C6orf141: variants seen among roughly 807,000 people sequenced by gnomAD.
C6orf141 encodes the protein chromosome 6 open reading frame 141.
For missense variants in C6orf141, 361 were observed against 335.8 expected (o/e 1.07, Z -0.59); for synonymous variants, 164 against 140.5 (o/e 1.17, Z -1.18).
downstream of C6orf141, chr6:49,555,388 G>A (rs977537109): frequency 7.2e-5 from 11 of 151,992 alleles, no homozygotes; most frequent in African/African-American, 2.7e-4. Context: ...TATAATAAAG[G>A]AAACAAAAAT....
rs909802135 is a variant in C6orf141 at position 49,551,730 on chromosome 6, T to G, written c.*203T>G. 3.0e-5 allele frequency: 42 copies of G among 1,420,970 alleles called. No individual in the cohort carries two copies. Among genetic ancestry groups the G allele is most frequent in the Non-Finnish European group, 3.8e-5 (41 of 1,086,828 alleles). The allele number at this position is 1,420,970 out of a possible 1,614,324, so 88.0% of individuals were successfully genotyped here. A position where few individuals can be genotyped will look rare whatever the true frequency, so the allele number is the denominator to read the frequency against. ...TGAATTCCTTCGCTGTCTGGGGACC[T>G]AAGTCATTCAGAAGAGGTGGAGAAA... is the stretch of plus-strand genomic sequence containing the variant. On this transcript the variant is annotated 3_prime_UTR_variant, in exon 1 of 1. Coordinates refer to ENST00000529246, the MANE Select transcript of C6orf141 (RefSeq NM_001145652.2).
At chr6:49,558,068 T>TG (rs1581908686) in intron 4 of C6orf141, among the ~76,000 whole-genome samples, 3 of 137,338 alleles carry the variant, frequency 2.2e-5, no homozygotes, top group East Asian at 4.5e-4. Context: ...TGTTTTTTTT[T>TG]TTTTTTTTTT....
intron 4 of C6orf141, among the ~76,000 whole-genome samples, chr6:49,558,537 G>T (rs1419492524): frequency 6.6e-6 from 1 of 151,834 alleles, no homozygotes; most frequent in Non-Finnish European, 1.5e-5. Context: ...AAAACTTGTA[G>T]GTTGGAATTC....
intron 4 of C6orf141, among the ~76,000 whole-genome samples, chr6:49,561,088 C>T (rs1303184162): frequency 7.1e-6 from 1 of 141,424 alleles, no homozygotes. Context: ...TAAATGCATT[C>T]ATTGTGAGAG....
chr6:49,551,329 T>C lies in C6orf141; in HGVS notation c.537T>C (p.Gly179=), dbSNP rs1200753575. ...TGTTGCAGACCTCCTGGGCCAAGGG[T>C]CGCATGACCACGAGGACTGAGGAGC... ...QEVLQTSWAK[G]RMTTRTEEHF... is the part of the protein sequence containing the mutation. The change falls in exon 1 of 1, where the codon GGT becomes GGC. Residue 179 remains glycine, a synonymous_variant. Coordinates refer to ENST00000529246, the MANE Select transcript of C6orf141 (RefSeq NM_001145652.2). 3.2e-6 allele frequency: 5 copies of C among 1,551,408 alleles called. No individual in the cohort carries two copies. In the East Asian group the frequency reaches 1.2e-4, roughly 38 times the overall value.
rs763319886 is a variant in C6orf141 at position 49,551,015 on chromosome 6, G to T, written c.223G>T (p.Ala75Ser). 1 of 1,551,408 alleles carries T rather than the reference G, an allele frequency of 6.4e-7. No homozygotes were observed. Among genetic ancestry groups the T allele is most frequent in the South Asian group, 1.2e-5 (1 of 84,048 alleles). Residue 75 changes from alanine to serine, a missense_variant, in exon 1 of 1, where the codon GCC (alanine) becomes TCC (serine). Physicochemically the swap from Ala to Ser is moderately conservative, Grantham distance 99. Coordinates refer to ENST00000529246, the MANE Select transcript of C6orf141 (RefSeq NM_001145652.2). ...RTADRALGPRAGEELDRESWV... is the reference protein window; with the variant it reads ...RTADRALGPRSGEELDRESWV... ...GGCAGATCGGGCCCTCGGACCTCGG[G>T]CCGGGGAGGAATTGGACCGTGAGTC...
chr6:49,552,832 T>C (rs979653222), downstream of C6orf141: 3 of 152,226 alleles, frequency 2.0e-5, no homozygotes, highest in African/African-American at 7.2e-5. Flanking sequence ...TGTGATAATC[T>C]CCCTCCTAAA....
Position 49,551,504 on chromosome 6 carries a change from T to G in C6orf141, c.712T>G (p.Trp238Gly), listed in dbSNP as rs1048797995. The change falls in exon 1 of 1, where the codon TGG becomes GGG. Residue 238 changes from tryptophan to glycine, a missense_variant. By Grantham distance (184) the Trp-to-Gly change is radical (BLOSUM62 -2). Transcript: ENST00000529246. ...GRRVSPSPGTWLEEIKL is the reference protein window; with the variant it reads ...GRRVSPSPGTGLEEIKL Reference sequence around the variant, plus strand: ...GAGGGTTTCACCGTCTCCAGGGACTTGGCTCGAGGAAATTAAACTCTAATG... The same window carrying G: ...GAGGGTTTCACCGTCTCCAGGGACTGGGCTCGAGGAAATTAAACTCTAATG... The G allele has an allele frequency of 3.5e-5, 55 of 1,551,176 alleles. No homozygotes were observed. Among genetic ancestry groups the G allele is most frequent in the Non-Finnish European group, 4.7e-5 (54 of 1,146,990 alleles).
At chr6:49,557,724 C>T (rs575216289) in intron 4 of C6orf141, among the ~76,000 whole-genome samples, 1 of 152,260 alleles carries the variant, frequency 6.6e-6, no homozygotes, top group East Asian at 1.9e-4. Context: ...AGCCCAGCTT[C>T]TCAAAGTGCC....
chr6:49,551,462 G>A lies in C6orf141; in HGVS notation c.670G>A (p.Val224Ile), dbSNP rs1227785614. The A allele has an allele frequency of 1.3e-6, 2 of 1,551,494 alleles. No individual in the cohort carries two copies. Among genetic ancestry groups the A allele is most frequent in the South Asian group, 2.4e-5 (2 of 84,062 alleles). Residue 224 changes from valine to isoleucine, a missense_variant, in exon 1 of 1, where the codon GTC becomes ATC. Coordinates refer to ENST00000529246, the MANE Select transcript of C6orf141 (RefSeq NM_001145652.2). ...ALQARTGASR[V>I]HAAGRRVSPS... Reference sequence around the variant, plus strand: ...CCAGGCACGAACAGGGGCATCCCGCGTCCACGCCGCGGGGAGGAGGGTTTC... The same window carrying A: ...CCAGGCACGAACAGGGGCATCCCGCATCCACGCCGCGGGGAGGAGGGTTTC...
At chr6:49,557,771 A>AT (rs1458732655) in intron 4 of C6orf141, among the ~76,000 whole-genome samples, 1 of 152,190 alleles carries the variant, frequency 6.6e-6, no homozygotes, top group Non-Finnish European at 1.5e-5. Context: ...ACATTGACCA[A>AT]TGTCCCTTTT....
At chr6:49,558,404 GAA>G (rs10716612) in intron 4 of C6orf141, among the ~76,000 whole-genome samples, 2,712 of 135,204 alleles carry the variant, frequency 0.02, 76 homozygotes, top group African/African-American at 0.063. Flanking sequence ...CCCTGAGTTG[GAA>G]AAAAAAAAAA....
At chr6:49,553,489 G>A (rs540740492), downstream of C6orf141, among the ~76,000 whole-genome samples, 6 of 152,258 alleles carry the variant, frequency 3.9e-5, no homozygotes, top group Non-Finnish European at 8.8e-5. Context: ...AACTTACTTG[G>A]CATGTAAGTT....
At chr6:49,554,436 A>G (rs1771349921), downstream of C6orf141, among the ~76,000 whole-genome samples, 1 of 151,908 alleles carries the variant, frequency 6.6e-6, no homozygotes, top group South Asian at 2.1e-4. Context: ...GCTGGAGTGC[A>G]GTGGCACGAT....
Position 49,551,793 on chromosome 6 carries a change from A to G in C6orf141, c.*266A>G. ...ATTGGCAGAATGTGGGAGTTTTGAA[A>G]TGAGAAAACCTGTTGTTAATTTGCA... is the stretch of plus-strand genomic sequence containing the variant. On this transcript the variant is annotated 3_prime_UTR_variant, in exon 1 of 1. Transcript: ENST00000529246. 1 of 1,325,490 alleles carries G rather than the reference A, an allele frequency of 7.5e-7. No homozygotes were observed. Among genetic ancestry groups the G allele is most frequent in the Non-Finnish European group, 9.7e-7 (1 of 1,030,586 alleles). The allele number at this position is 1,325,490 out of a possible 1,614,324, so 82.1% of individuals were successfully genotyped here.
chr6:49,555,446 T>C (rs903546881), downstream of C6orf141: 9 of 152,028 alleles, frequency 5.9e-5, no homozygotes, highest in African/African-American at 2.2e-4. Context: ...GTTTCAAGCA[T>C]GAATTTTTTG....
At chr6:49,559,293 G>T (rs1489486140) in intron 4 of C6orf141, among the ~76,000 whole-genome samples, 1 of 145,394 alleles carries the variant, frequency 6.9e-6, no homozygotes, top group Non-Finnish European at 1.5e-5. Context: ...GAAAAACCCA[G>T]TCATAAAATT....
intron 4 of C6orf141, among the ~76,000 whole-genome samples, chr6:49,561,101 A>ATTT (rs35286960): frequency 0.24 from 33,101 of 140,724 alleles, 4,637 homozygotes; most frequent in South Asian, 0.31. Context: ...TGTGAGAGTA[A>ATTT]TTTTTTTTTT....
At position 49,550,761 on chromosome 6, in the gene C6orf141, C is replaced by CTT. The variant is rs1770230721; in HGVS notation, c.-31_-30dup. On this transcript the variant is annotated 5_prime_UTR_variant, in exon 1 of 1. Coordinates refer to ENST00000529246, the MANE Select transcript of C6orf141 (RefSeq NM_001145652.2). The stretch of plus-strand genomic sequence containing the variant: ...CGCGCTTTCCGGAGCTCAGCAGGCG[C>CTT]TTGCTGCTTGAACCGGTCAAAGAAG... 2 of 1,435,454 alleles carry CTT rather than the reference C, an allele frequency of 1.4e-6. No individual in the cohort carries two copies. The highest frequency in any genetic ancestry group is 1.8e-6 in the Non-Finnish European group (2 of 1,092,902). 88.9% of individuals were successfully genotyped at this position (1,435,454 alleles called of 1,614,324 possible).
Sources: gnomAD v4.1 joint callset for allele counts (sites outside exome capture counted in the v4.1 genomes callset) on GRCh38, gnomAD v4.1.1 for gene constraint, MANE v1.5 for transcripts, NCBI Gene and HGNC (gene_info 2026-07-23, HGNC 2026-07-21) for gene names.